The following SGSM1 variants were observed in gnomAD, a reference collection of about 807,000 sequenced individuals.
SGSM1 encodes the protein small G protein signaling modulator 1.
SGSM1 carries 73 observed loss-of-function variants against 133.8 expected under a neutral mutation model. The ratio of observed to expected loss-of-function variants is 0.55; its 90% CI spans 0.45 to 0.66. The LOEUF (loss-of-function observed/expected upper bound fraction) is 0.66. SGSM1 is among the 30% of genes least tolerant of loss of function. The probability of loss-of-function intolerance (pLI) is 0.00; values close to 1 mark genes in which losing one functional copy is unlikely to be tolerated. For synonymous variants in SGSM1, 563 were observed against 573.0 expected, an observed-to-expected ratio of 0.98 and a Z score of 0.25; for missense variants, 1,213 against 1,448.1, an observed-to-expected ratio of 0.84 and a Z score of 2.64.
rs148994580 is a variant in SGSM1, at chr22:24,889,249, C to T, written c.1770+2521C>T. ...TGCTGGGATTACAGGCGTGAGCCAC[C>T]GTGCCCGGCCCTCATAGTCACATTT... On this transcript the variant is annotated intron_variant, in intron 16 of 24. Transcript: ENST00000400358. Among the ~76,000 whole-genome samples, 760 of 152,102 alleles carry T rather than the reference C, an allele frequency of 5.0e-3. 6 individuals are homozygous for T. Among genetic ancestry groups the T allele is most frequent in the African/African-American group, 0.016 (646 of 41,496 alleles).
chr22:24,846,559 C>A (rs1028611940), intron 3 of SGSM1, among the ~76,000 whole-genome samples: 1 of 152,124 alleles, frequency 6.6e-6, no homozygotes, highest in African/African-American at 2.4e-5. Context: ...AATTCAGTAG[C>A]TCTACTCAAA....
intron 19 of SGSM1, 28 bp downstream of exon 19, chr22:24,898,587 T>C (rs1242240970): frequency 1.2e-5 from 19 of 1,554,410 alleles, no homozygotes; most frequent in Non-Finnish European, 1.6e-5. Context: ...TCCGTTCCAT[T>C]TCCTTCTTTC....
intron 2 of SGSM1, among the ~76,000 whole-genome samples, chr22:24,818,241 A>AAATAAAAT (rs1555919459): frequency 2.0e-5 from 3 of 150,838 alleles, no homozygotes; most frequent in African/African-American, 7.3e-5. Context: ...CAAAAAAAAA[A>AAATAAAAT]AAAATAAAAT....
At chr22:24,826,456 C>A (rs1214623620) in intron 2 of SGSM1, among the ~76,000 whole-genome samples, 1 of 152,148 alleles carries the variant, frequency 6.6e-6, no homozygotes, top group Non-Finnish European at 1.5e-5. Flanking sequence ...TAGGACACTG[C>A]CTGGAACCAA....
intron 9 of SGSM1, among the ~76,000 whole-genome samples, chr22:24,865,303 C>G (rs561058699): frequency 6.6e-6 from 1 of 152,286 alleles, no homozygotes; most frequent in South Asian, 2.1e-4. Context: ...GCGTGATGGG[C>G]ACACAGGGCT....
Position 24,926,749 on chromosome 22 carries a change from A to G in SGSM1, c.*2475A>G, listed in dbSNP as rs1189715643. 1.3e-5 allele frequency: 2 copies of G among 150,130 alleles called. No homozygotes were observed. The highest frequency in any genetic ancestry group is 3.0e-5 in the Non-Finnish European group (2 of 67,696). The allele number at this position is 150,130 out of a possible 1,614,324, so 9.3% of individuals were successfully genotyped here. ...GGGACTCGTTCTGTCCGCGGAGTGC[A>G]CTCTTTTTTTCAGTGTGGCCCACAT... On this transcript the variant is annotated 3_prime_UTR_variant, in exon 25 of 25. Transcript: ENST00000400358.
intron 12 of SGSM1, among the ~76,000 whole-genome samples, chr22:24,869,224 C>A (rs1266326410): frequency 6.6e-6 from 1 of 152,182 alleles, no homozygotes; most frequent in Non-Finnish European, 1.5e-5. Context: ...CGAGGTAAGG[C>A]GGCCGGGCAT....
At position 24,855,041 on chromosome 22, in the gene SGSM1, C is replaced by T. The variant is rs767402568; in HGVS notation, c.501C>T (p.Gly167=). 3.7e-6 allele frequency: 6 copies of T among 1,613,110 alleles called. No individual in the cohort carries two copies. In the African/African-American group the frequency reaches 5.3e-5, roughly 14 times the overall value. The part of the protein sequence containing the change: ...KEALLMDPVD[G]PILASLLVGP... ...CTCTCCTGATGGACCCTGTGGACGGCCCCATCCTTGCATCTTTGTTGGGTA... is the reference window on the plus strand; with the variant it reads ...CTCTCCTGATGGACCCTGTGGACGGTCCCATCCTTGCATCTTTGTTGGGTA... The change falls in exon 6 of 25, where the codon GGC becomes GGT. Residue 167 remains glycine (G), a synonymous_variant. Transcript: ENST00000400358.
chr22:24,887,967 A>G (rs1332474809), intron 16 of SGSM1, among the ~76,000 whole-genome samples: 1 of 152,152 alleles, frequency 6.6e-6, no homozygotes, highest in South Asian at 2.1e-4. Context: ...AGGTCTTTTC[A>G]TGTGTTTATT....
At chr22:24,807,992 CA>C (rs561581811) in intron 2 of SGSM1, among the ~76,000 whole-genome samples, 48 of 152,166 alleles carry the variant, frequency 3.2e-4, no homozygotes, top group Non-Finnish European at 6.3e-4. Context: ...TCGAATGAGA[CA>C]TGCAAAATAC....
At chr22:24,897,499 C>G (rs1165854784) in intron 18 of SGSM1, among the ~76,000 whole-genome samples, 4 of 152,178 alleles carry the variant, frequency 2.6e-5, no homozygotes, top group Non-Finnish European at 5.9e-5. Flanking sequence ...AGTCTCACTC[C>G]CATCACCCAG....
intron 2 of SGSM1, among the ~76,000 whole-genome samples, chr22:24,843,209 G>C (rs1929906910): frequency 6.6e-6 from 1 of 152,134 alleles, no homozygotes; most frequent in South Asian, 2.1e-4. Context: ...GCAATGCCCA[G>C]CTTGGAGTTG....
intron 10 of SGSM1, among the ~76,000 whole-genome samples, chr22:24,867,855 A>G (rs1318675880): frequency 6.6e-6 from 1 of 152,194 alleles, no homozygotes; most frequent in Non-Finnish European, 1.5e-5. Flanking sequence ...GAAGTTACTT[A>G]ACCTCTCTGA....
chr22:24,869,198 C>A (rs776984882), intron 12 of SGSM1, among the ~76,000 whole-genome samples: 1 of 152,098 alleles, frequency 6.6e-6, no homozygotes. Flanking sequence ...GTTTCATAGT[C>A]ATTCTGGGGA....
In SGSM1 at chr22:24,855,044, C is replaced by T. The variant is rs1370854724; in HGVS notation, c.504C>T (p.Pro168=). 2 of 1,613,166 alleles carry T rather than the reference C, an allele frequency of 1.2e-6. No homozygotes were observed. The highest frequency in any genetic ancestry group is 1.7e-6 in the Non-Finnish European group (2 of 1,179,678). ...EALLMDPVDG[P]ILASLLVGPC... is the part of the protein sequence containing the mutation. ...TCCTGATGGACCCTGTGGACGGCCC[C>T]ATCCTTGCATCTTTGTTGGGTAAGT... The change falls in exon 6 of 25, where the codon CCC becomes CCT. Residue 168 remains proline (P), a synonymous_variant. Coordinates refer to ENST00000400358, the MANE Select transcript of SGSM1 (RefSeq NM_001098497.3).
At chr22:24,867,208 C>A in intron 10 of SGSM1, 48 bp downstream of exon 10, 1 of 1,573,788 alleles carries the variant, frequency 6.4e-7, no homozygotes, top group Non-Finnish European at 8.7e-7. Context: ...TCTTGGATCC[C>A]CTGCCTGTCT....
intron 5 of SGSM1, among the ~76,000 whole-genome samples, chr22:24,851,449 G>GGGGGAGAGA (rs1555925285): frequency 8.9e-6 from 1 of 112,822 alleles, no homozygotes; most frequent in Non-Finnish European, 1.7e-5. Flanking sequence ...GGGGGTGGGG[G>GGGGGAGAGA]GAGAGAGAGA....
intron 2 of SGSM1, among the ~76,000 whole-genome samples, chr22:24,835,455 G>A (rs4822549): frequency 0.25 from 37,921 of 151,976 alleles, 4,981 homozygotes; most frequent in African/African-American, 0.33. Context: ...AGGCCATTAC[G>A]TCAGAGAGTT....
chr22:24,847,581 G>C (rs1930218126), intron 3 of SGSM1, 53 bp from the exon 4 acceptor site: 2 of 1,578,540 alleles, frequency 1.3e-6, no homozygotes, highest in East Asian at 4.5e-5. Context: ...GGACATGCTG[G>C]GTGCTGGAGT....
Sources: gnomAD v4.1 joint callset for allele counts (sites outside exome capture counted in the v4.1 genomes callset) on GRCh38, gnomAD v4.1.1 for gene constraint, MANE v1.5 for transcripts, NCBI Gene and HGNC (gene_info 2026-07-23, HGNC 2026-07-21) for gene names.